SLIT2: variants seen among roughly 807,000 people sequenced by gnomAD.
SLIT2 encodes slit homolog 2 protein.
Under a neutral mutation model 185.7 loss-of-function variants are expected in SLIT2, and 41 were observed. The ratio of observed to expected loss-of-function variants is 0.22; its 90% confidence interval spans 0.17 to 0.29. The LOEUF is 0.29. Among genes scored for constraint, SLIT2 ranks in the 10% least tolerant of loss-of-function variants. The pLI is 1.00. For missense variants in SLIT2, 1,571 were observed against 1,909.0 expected (o/e 0.82, Z 3.30); for synonymous variants, 693 against 680.2 (o/e 1.02, Z -0.29).
At chr4:20,521,005 T>C (rs552677353) in intron 12 of SLIT2, among the ~76,000 whole-genome samples, 8 of 152,348 alleles carry the variant, frequency 5.3e-5, no homozygotes, top group African/African-American at 1.9e-4. Flanking sequence ...AGATATAGCT[T>C]GATGCTGTAA....
At chr4:20,613,090 T>C (rs1312109384) in intron 34 of SLIT2, among the ~76,000 whole-genome samples, 1 of 152,118 alleles carries the variant, frequency 6.6e-6, no homozygotes, top group Admixed American at 6.5e-5. Flanking sequence ...TGGAAAACAG[T>C]GTGGCGATTC....
At chr4:20,432,003 G>C (rs923390009) in intron 4 of SLIT2, among the ~76,000 whole-genome samples, 53 of 150,616 alleles carry the variant, frequency 3.5e-4, no homozygotes, top group African/African-American at 1.2e-3. Context: ...CTCACTCTCT[G>C]TGTGTGTGTG....
rs143954967 is a variant in SLIT2 at position 20,277,883 on chromosome 4, C to G, written c.395+9002C>G. On this transcript the variant is annotated intron_variant, in intron 4 of 36. Coordinates refer to ENST00000504154, the MANE Select transcript of SLIT2 (RefSeq NM_004787.4). ...AGACGTCATAAAATGCTTTTATTTA[C>G]TCTTGCTCTTTTATGAGACAGTTAA... Among the ~76,000 whole-genome samples the G allele has an allele frequency of 6.1e-4, 93 of 151,666 alleles. 1 individual carries two copies. In the East Asian group the frequency reaches 0.018, roughly 29 times the overall value.
At chr4:20,419,043 C>A (rs1350101838) in intron 4 of SLIT2, among the ~76,000 whole-genome samples, 3 of 152,150 alleles carry the variant, frequency 2.0e-5, no homozygotes, top group East Asian at 3.9e-4. Context: ...TTACCAGTTT[C>A]CCAGTAGATG....
At chr4:20,265,476 G>T (rs554257016) in intron 3 of SLIT2, among the ~76,000 whole-genome samples, 61 of 151,938 alleles carry the variant, frequency 4.0e-4, no homozygotes, top group African/African-American at 1.4e-3. Flanking sequence ...CTGTTTTGTT[G>T]TATCCATATT....
rs1720626128 is a variant in SLIT2, at chr4:20,519,510, GTT to G, written c.1130+58_1130+59del. Reference sequence around the variant, plus strand: ...CCTAATAATATATATTAGCCATTTTGTTGTCTCATATTTTTATGGAGGCCTTG... The same window carrying G: ...CCTAATAATATATATTAGCCATTTTGGTCTCATATTTTTATGGAGGCCTTG... On this transcript the variant is annotated intron_variant, in intron 12 of 36. Transcript: ENST00000504154. 3.8e-6 allele frequency: 4 copies of G among 1,044,912 alleles called. No homozygotes were observed. The Admixed American group carries it at 8.8e-5, about 23-fold the overall frequency. The allele number at this position is 1,044,912 out of a possible 1,614,324, so 64.7% of individuals were successfully genotyped here. A position where few individuals can be genotyped will look rare whatever the true frequency, so the allele number is the denominator to read the frequency against.
intron 4 of SLIT2, among the ~76,000 whole-genome samples, chr4:20,309,758 C>CTTTTTTTTTTTTT (rs1553876753): frequency 3.6e-5 from 1 of 27,954 alleles, no homozygotes. Context: ...GTCTTTCTTT[C>CTTTTTTTTTTTTT]TTTTTTTTTT....
chr4:20,417,175 A>G (rs1577615093), intron 4 of SLIT2, among the ~76,000 whole-genome samples: 1 of 151,952 alleles, frequency 6.6e-6, no homozygotes, highest in Non-Finnish European at 1.5e-5. Context: ...ATAAAATTAT[A>G]TGTCAGGGCC....
intron 29 of SLIT2, among the ~76,000 whole-genome samples, chr4:20,573,913 C>G (rs907248836): frequency 2.0e-5 from 3 of 149,072 alleles, no homozygotes; most frequent in Non-Finnish European, 4.5e-5. Context: ...TACATCAGGG[C>G]CCAAGAACGT....
chr4:20,403,681 C>T (rs1296667270), intron 4 of SLIT2, among the ~76,000 whole-genome samples: 1 of 151,900 alleles, frequency 6.6e-6, no homozygotes, highest in East Asian at 1.9e-4. Context: ...GAAGGAATGA[C>T]TCTATTAGGC....
chr4:20,279,007 A>G (rs780979650), intron 4 of SLIT2, among the ~76,000 whole-genome samples: 21 of 152,308 alleles, frequency 1.4e-4, no homozygotes, highest in Non-Finnish European at 2.5e-4. Flanking sequence ...AAAATTTCAT[A>G]CATTCCTTTT....
chr4:20,465,591 T>C (rs1444897062), intron 4 of SLIT2, among the ~76,000 whole-genome samples: 1 of 152,194 alleles, frequency 6.6e-6, no homozygotes, highest in Non-Finnish European at 1.5e-5. Context: ...AAGGAGGCTC[T>C]GAGCAAGACA....
intron 4 of SLIT2, among the ~76,000 whole-genome samples, chr4:20,330,842 A>G (rs1224097682): frequency 5.3e-5 from 8 of 152,098 alleles, no homozygotes. Context: ...CAGATCATAT[A>G]CTTCATTACT....
At chr4:20,595,627 T>C (rs1271510709) in intron 30 of SLIT2, 70 bp from the exon 31 acceptor site, 1 of 1,583,262 alleles carries the variant, frequency 6.3e-7, no homozygotes, top group South Asian at 1.1e-5. Context: ...CCATTGTGTC[T>C]AGATAAAATG....
intron 4 of SLIT2, among the ~76,000 whole-genome samples, chr4:20,273,819 T>G (rs1309689388): frequency 6.6e-6 from 1 of 152,210 alleles, no homozygotes; most frequent in Non-Finnish European, 1.5e-5. Context: ...TGAATTAATT[T>G]CTGCCAGCTC....
chr4:20,539,872 T>C (rs754695391), intron 19 of SLIT2, among the ~76,000 whole-genome samples: 21 of 152,200 alleles, frequency 1.4e-4, no homozygotes, highest in South Asian at 4.1e-4. Context: ...TATAACTTGA[T>C]AGTGCTGCAT....
chr4:20,538,780 T>TA (rs35129347), intron 18 of SLIT2, among the ~76,000 whole-genome samples: 15,699 of 121,004 alleles, frequency 0.13, 1,169 homozygotes, highest in East Asian at 0.28. Context: ...TGACAATGAC[T>TA]AAAAAAAAAA....
Position 20,411,665 on chromosome 4 carries a change from C to G in SLIT2, c.396-56087C>G, listed in dbSNP as rs1394002715. 2.6e-5 allele frequency among the ~76,000 whole-genome samples: 4 copies of G among 152,114 alleles called. No individual in the cohort carries two copies. In the East Asian group the frequency reaches 7.7e-4, roughly 29 times the overall value. Reference sequence around the variant, plus strand: ...GTCTGTGATAGAGCTTCAAGATAACCCAGGTGAATCTTACTACAAAATCCA... The same window carrying G: ...GTCTGTGATAGAGCTTCAAGATAACGCAGGTGAATCTTACTACAAAATCCA... On this transcript the variant is annotated intron_variant, in intron 4 of 36. Transcript: ENST00000504154.
At chr4:20,471,989 A>G (rs1393129986) in intron 5 of SLIT2, among the ~76,000 whole-genome samples, 3 of 151,548 alleles carry the variant, frequency 2.0e-5, no homozygotes, top group East Asian at 3.9e-4. Flanking sequence ...TTCCCTTGAC[A>G]TTTTACACAA....
Sources: allele counts gnomAD v4.1 joint callset (sites outside exome capture counted in the v4.1 genomes callset), GRCh38; gene constraint gnomAD v4.1.1; transcripts MANE v1.5; gene names NCBI Gene and HGNC (gene_info 2026-07-23, HGNC 2026-07-21).